TMEM74: variants seen among roughly 807,000 people sequenced by gnomAD.
The protein encoded by TMEM74 is transmembrane protein 74.
Under a neutral mutation model 18.1 loss-of-function variants are expected in TMEM74, and 13 were observed. That is an observed-to-expected ratio of 0.72 (90% CI 0.47 to 1.14). The LOEUF (loss-of-function observed/expected upper bound fraction) is 1.14, where lower values mean the gene tolerates loss of function less well. Ranked by LOEUF, TMEM74 falls within the 50% of genes most tolerant of loss-of-function variation. The pLI, the probability that TMEM74 is intolerant of heterozygous loss-of-function variation, is 0.00. For synonymous variants in TMEM74, 159 were observed against 146.6 expected (o/e 1.08, Z -0.61); for missense variants, 372 against 375.9 (o/e 0.99, Z 0.09).
chr8:108,659,027 C>T (rs947590492), intron 1 of TMEM74, among the ~76,000 whole-genome samples: 3 of 152,024 alleles, frequency 2.0e-5, no homozygotes, highest in Admixed American at 6.6e-5. Flanking sequence ...AGATCTGTCA[C>T]AATAAGGCAG....
At chr8:108,739,720 C>A (rs1813780785) in intron 1 of TMEM74, among the ~76,000 whole-genome samples, 1 of 152,010 alleles carries the variant, frequency 6.6e-6, no homozygotes, top group Admixed American at 6.6e-5. Flanking sequence ...TCCAAGAGGG[C>A]TTTTTCTTTT....
At chr8:108,616,222 C>A (rs1215287266) in intron 2 of TMEM74, among the ~76,000 whole-genome samples, 1 of 152,196 alleles carries the variant, frequency 6.6e-6, no homozygotes, top group Non-Finnish European at 1.5e-5. Flanking sequence ...ATAAATTCCT[C>A]ATTTCTGAAG....
chr8:108,610,355 T>G (rs998360329), intron 2 of TMEM74, among the ~76,000 whole-genome samples: 2 of 152,196 alleles, frequency 1.3e-5, no homozygotes, highest in Non-Finnish European at 2.9e-5. Context: ...ATGCATCTGT[T>G]CATTCAATAA....
At chr8:108,661,500 A>C (rs917709594) in intron 1 of TMEM74, among the ~76,000 whole-genome samples, 4 of 151,782 alleles carry the variant, frequency 2.6e-5, no homozygotes, top group African/African-American at 9.7e-5. Flanking sequence ...CTTTCAAAGA[A>C]AATGGAAATT....
chr8:108,659,934 C>A (rs1180327971), intron 1 of TMEM74, among the ~76,000 whole-genome samples: 2 of 152,180 alleles, frequency 1.3e-5, no homozygotes, highest in Non-Finnish European at 2.9e-5. Context: ...CCCTTCAGGA[C>A]AACTTTGATG....
chr8:108,706,539 G>A (rs1411101179), intron 1 of TMEM74, among the ~76,000 whole-genome samples: 1 of 152,152 alleles, frequency 6.6e-6, no homozygotes, highest in African/African-American at 2.4e-5. Context: ...GCACATTGAA[G>A]GTGGTGGGAA....
chr8:108,699,122 G>A (rs1813309232), intron 1 of TMEM74, among the ~76,000 whole-genome samples: 1 of 59,254 alleles, frequency 1.7e-5, no homozygotes, highest in South Asian at 5.1e-4. Flanking sequence ...CTCCCCTCTT[G>A]TACCCTTCCC....
intron 1 of TMEM74, among the ~76,000 whole-genome samples, chr8:108,729,502 C>T (rs1362650971): frequency 1.3e-5 from 2 of 152,086 alleles, no homozygotes; most frequent in Non-Finnish European, 2.9e-5. Context: ...TTCATAAGTT[C>T]CAGGAATTAG....
At chr8:108,683,232 G>A (rs1298680009) in intron 1 of TMEM74, among the ~76,000 whole-genome samples, 1 of 151,628 alleles carries the variant, frequency 6.6e-6, no homozygotes, top group African/African-American at 2.4e-5. Context: ...TAATTACTCT[G>A]TTAAACTTTC....
intron 1 of TMEM74, among the ~76,000 whole-genome samples, chr8:108,669,720 TGA>T (rs1261903355): frequency 1.3e-5 from 2 of 152,160 alleles, no homozygotes; most frequent in African/African-American, 4.8e-5. Flanking sequence ...ATCTCCAGAA[TGA>T]GAGAATACAG....
At chr8:108,754,226 A>G (rs1330131392) in intron 1 of TMEM74, among the ~76,000 whole-genome samples, 4 of 152,118 alleles carry the variant, frequency 2.6e-5, no homozygotes, top group African/African-American at 9.7e-5. Flanking sequence ...GTTGACATGT[A>G]TTTTATTTCA....
intron 2 of TMEM74, among the ~76,000 whole-genome samples, chr8:108,612,105 A>G (rs1256409827): frequency 6.6e-6 from 1 of 152,080 alleles, no homozygotes; most frequent in Non-Finnish European, 1.5e-5. Context: ...TCACCTCCCA[A>G]TGGGCCCCTT....
At chr8:108,670,685 A>G (rs1812996223) in intron 1 of TMEM74, among the ~76,000 whole-genome samples, 1 of 152,186 alleles carries the variant, frequency 6.6e-6, no homozygotes, top group African/African-American at 2.4e-5. Context: ...GAAAGTCAGG[A>G]TACAGAAAAA....
At chr8:108,710,239 G>C (rs73307851) in intron 1 of TMEM74, among the ~76,000 whole-genome samples, 321 of 152,318 alleles carry the variant, frequency 2.1e-3, no homozygotes, top group African/African-American at 6.9e-3. Context: ...GTGTTTCAAT[G>C]CTTAGCATTG....
chr8:108,672,357 A>G (rs74811136), intron 1 of TMEM74, among the ~76,000 whole-genome samples: 2,745 of 152,330 alleles, frequency 0.018, 97 homozygotes, highest in African/African-American at 0.063. Context: ...ACAAAAATTT[A>G]CTCAATCATC....
rs1473973455 is a variant in TMEM74 at position 108,732,143 on chromosome 8, A to T, written n.119+55333T>A. Reference sequence around the variant, plus strand: ...GTGAACAGTTGGAAATTAAAAGTTTAAAAATACCATTTACAGTAGTATTGG... The same window carrying T: ...GTGAACAGTTGGAAATTAAAAGTTTTAAAATACCATTTACAGTAGTATTGG... On this transcript the variant is annotated intron_variant and non_coding_transcript_variant, in intron 1 of 3. Coordinates refer to the TMEM74 transcript ENST00000518838. 2.0e-5 allele frequency among the ~76,000 whole-genome samples: 3 copies of T among 152,206 alleles called. No individual in the cohort carries two copies. In the East Asian group the frequency reaches 5.8e-4, roughly 29 times the overall value.
chr8:108,664,593 T>G (rs1056436815), intron 1 of TMEM74, among the ~76,000 whole-genome samples: 2 of 152,160 alleles, frequency 1.3e-5, no homozygotes, highest in Non-Finnish European at 2.9e-5. Context: ...AGGGAACGTT[T>G]AACTTTATCT....
intron 1 of TMEM74, among the ~76,000 whole-genome samples, chr8:108,730,355 G>A (rs969394011): frequency 6.6e-6 from 1 of 152,088 alleles, no homozygotes; most frequent in African/African-American, 2.4e-5. Context: ...TGGCAGGGCT[G>A]CATTTAAACA....
intron 1 of TMEM74, among the ~76,000 whole-genome samples, chr8:108,765,322 T>TAAGG (rs1814092221): frequency 6.6e-6 from 1 of 151,930 alleles, no homozygotes; most frequent in Non-Finnish European, 1.5e-5. Context: ...GAGGCTTCCA[T>TAAGG]CATCCTGGAC....
Sources: gnomAD v4.1 joint callset for allele counts (sites outside exome capture counted in the v4.1 genomes callset) on GRCh38, gnomAD v4.1.1 for gene constraint, MANE v1.5 for transcripts, NCBI Gene and HGNC (gene_info 2026-07-23, HGNC 2026-07-21) for gene names.